Variants in ST6GALNAC1 observed in about 807,000 individuals in gnomAD.
ST6GALNAC1 encodes the protein ST6 N-acetylgalactosaminide alpha-2,6-sialyltransferase 1.
Under a neutral mutation model 56.8 loss-of-function variants are expected in ST6GALNAC1, and 45 were observed. The observed-to-expected ratio is 0.79, with a 90% CI of 0.62 to 1.02. ST6GALNAC1 has a LOEUF of 1.02. ST6GALNAC1 is among the 50% of genes least tolerant of loss of function. The pLI is 0.00. For synonymous variants in ST6GALNAC1, 295 were observed against 297.8 expected, an observed-to-expected ratio of 0.99 and a Z score of 0.10; for missense variants, 743 against 754.8, an observed-to-expected ratio of 0.98 and a Z score of 0.18.
chr17:76,627,286 G>A lies in ST6GALNAC1; in HGVS notation c.1001-48C>T, dbSNP rs1386589395. On this transcript the variant is annotated intron_variant, in intron 3 of 8. Transcript: ENST00000156626. This position sits in a 1 kb window ranked among gnomAD's most constrained non-coding sequence, Gnocchi z 4.4. ...CCATTCAGAGCCCTGGGAGGGACAG[G>A]AGTCCGACCCATCATTCCTCCCAGG... 6.4e-7 allele frequency: 1 copy of A among 1,553,350 alleles called. No individual in the cohort carries two copies. Among genetic ancestry groups the A allele is most frequent in the Non-Finnish European group, 8.7e-7 (1 of 1,148,954 alleles).
At chr17:76,621,245 C>G (rs551553561), downstream of ST6GALNAC1, among the ~76,000 whole-genome samples, 2 of 132,640 alleles carry the variant, frequency 1.5e-5, no homozygotes, top group Non-Finnish European at 3.1e-5. Flanking sequence ...TGCAGTGGCA[C>G]GATCTGGGCT....
At chr17:76,637,403 G>T in intron 1 of ST6GALNAC1, 1 of 243,548 alleles carries the variant, frequency 4.1e-6, no homozygotes, top group Non-Finnish European at 7.5e-6. Flanking sequence ...CCCTCATGTT[G>T]TCCTTTTATA....
In ST6GALNAC1 at chr17:76,627,691, C is replaced by T; in HGVS notation, c.832-108G>A. ...GGGCTCGCAGTTTGGAAGGCGCGGCCTCTGCTACCTCTTCCATTCTGTTCT... is the reference window on the plus strand; with the variant it reads ...GGGCTCGCAGTTTGGAAGGCGCGGCTTCTGCTACCTCTTCCATTCTGTTCT... On this transcript the variant is annotated intron_variant, in intron 2 of 8. Transcript: ENST00000156626. The surrounding 1 kb of genome is among the most constrained non-coding windows in gnomAD (Gnocchi z 4.4). 2.1e-6 allele frequency: 2 copies of T among 938,872 alleles called. No homozygotes were observed. The highest frequency in any genetic ancestry group is 3.2e-6 in the Non-Finnish European group (2 of 617,646). 58.2% of individuals were successfully genotyped at this position (938,872 alleles called of 1,614,324 possible). A position where few individuals can be genotyped will look rare whatever the true frequency, so the allele number is the denominator to read the frequency against.
At position 76,625,234 on chromosome 17, in the gene ST6GALNAC1, A is replaced by T; in HGVS notation, c.*96T>A. 2 of 1,320,192 alleles carry T rather than the reference A, an allele frequency of 1.5e-6. No homozygotes were observed. Among genetic ancestry groups the T allele is most frequent in the Non-Finnish European group, 2.1e-6 (2 of 951,268 alleles). The allele number at this position is 1,320,192 out of a possible 1,614,324, so 81.8% of individuals were successfully genotyped here. On this transcript the variant is annotated 3_prime_UTR_variant, in exon 9 of 9. Coordinates refer to ENST00000156626, the MANE Select transcript of ST6GALNAC1 (RefSeq NM_018414.5). Reference sequence around the variant, plus strand: ...GGAACTCCTGAAGGGCTTGGAGCTTAGTCTGAGCCATGGGAAATGGCCAAA... The same window carrying T: ...GGAACTCCTGAAGGGCTTGGAGCTTTGTCTGAGCCATGGGAAATGGCCAAA...
At chr17:76,634,233 C>T (rs1216635247) in intron 1 of ST6GALNAC1, among the ~76,000 whole-genome samples, 1 of 152,188 alleles carries the variant, frequency 6.6e-6, no homozygotes, top group Non-Finnish European at 1.5e-5. Flanking sequence ...TTCTCAGTCC[C>T]CACCATCAAC....
intron 1 of ST6GALNAC1, among the ~76,000 whole-genome samples, chr17:76,630,821 T>C (rs1180929901): frequency 4.0e-5 from 6 of 151,180 alleles, no homozygotes; most frequent in Non-Finnish European, 7.4e-5. Flanking sequence ...GATCTCTTGA[T>C]CTCGTGATCT....
At chr17:76,630,728 GCGCATGCCACCA>G (rs2143445367) in intron 1 of ST6GALNAC1, among the ~76,000 whole-genome samples, 1 of 151,020 alleles carries the variant, frequency 6.6e-6, no homozygotes, top group African/African-American at 2.4e-5. Context: ...TGGGATTACA[GCGCATGCCACCA>G]CGCCTGGCTC....
chr17:76,621,753 G>C (rs1348494057), downstream of ST6GALNAC1, among the ~76,000 whole-genome samples: 1 of 152,052 alleles, frequency 6.6e-6, no homozygotes, highest in African/African-American at 2.4e-5. Flanking sequence ...GGCATTACAG[G>C]CGTGAGCCAT....
At chr17:76,621,822 C>G (rs539000043), downstream of ST6GALNAC1, among the ~76,000 whole-genome samples, 3 of 152,262 alleles carry the variant, frequency 2.0e-5, no homozygotes, top group Non-Finnish European at 4.4e-5. Context: ...TCTATAAGTA[C>G]TGCCTACCCA....
At position 76,627,818 on chromosome 17, in the gene ST6GALNAC1, C is replaced by T. The variant is rs2075826965; in HGVS notation, c.832-235G>A. On this transcript the variant is annotated intron_variant, in intron 2 of 8. Transcript: ENST00000156626. The surrounding 1 kb of genome is among the most constrained non-coding windows in gnomAD (Gnocchi z 4.4). ...GGCCATCGAGGCAAATGCACCTAGG[C>T]CGGGTGTGGTGGCTCACGCCTGTAA... 1.3e-5 allele frequency among the ~76,000 whole-genome samples: 2 copies of T among 152,152 alleles called. No individual in the cohort carries two copies. Among genetic ancestry groups the T allele is most frequent in the Non-Finnish European group, 2.9e-5 (2 of 68,016 alleles).
intron 1 of ST6GALNAC1, 64 bp from the exon 2 acceptor site, chr17:76,629,775 A>ATT: frequency 5.2e-6 from 5 of 963,250 alleles, no homozygotes; most frequent in East Asian, 2.6e-5. Flanking sequence ...AAGCATAAGT[A>ATT]GTTTTTTGTT....
In ST6GALNAC1 at chr17:76,628,117, A is replaced by T. The variant is rs991764604; in HGVS notation, c.832-534T>A. Among the ~76,000 whole-genome samples the T allele has an allele frequency of 2.3e-5, 3 of 131,464 alleles. No homozygotes were observed. The East Asian group carries it at 6.8e-4, about 30-fold the overall frequency. 86.2% of individuals were successfully genotyped at this position (131,464 alleles called of 152,430 possible). A position where few individuals can be genotyped will look rare whatever the true frequency, so the allele number is the denominator to read the frequency against. On this transcript the variant is annotated intron_variant, in intron 2 of 8. Coordinates refer to ENST00000156626, the MANE Select transcript of ST6GALNAC1 (RefSeq NM_018414.5). ...ATCTCAAAAAAAAAAAAAAAAAAAA[A>T]TGCAAATGCACCTTTGTAAGTGTGA...
chr17:76,627,385 C>G lies in ST6GALNAC1; in HGVS notation c.1000+30G>C, dbSNP rs762082510. Reference sequence around the variant, plus strand: ...GCCCTCTGCCCCGGCCTACTGCGCACCCACACCTTCCCCTGGGTTAAGGAC... The same window carrying G: ...GCCCTCTGCCCCGGCCTACTGCGCAGCCACACCTTCCCCTGGGTTAAGGAC... On this transcript the variant is annotated intron_variant, in intron 3 of 8. Transcript: ENST00000156626. This position sits in a 1 kb window ranked among gnomAD's most constrained non-coding sequence, Gnocchi z 4.4. 16 of 1,612,816 alleles carry G rather than the reference C, an allele frequency of 9.9e-6. No homozygotes were observed. Among genetic ancestry groups the G allele is most frequent in the Middle Eastern group, 1.7e-4 (1 of 5,896 alleles).
intron 1 of ST6GALNAC1, among the ~76,000 whole-genome samples, chr17:76,642,685 C>T (rs1382727674): frequency 3.3e-5 from 5 of 152,236 alleles, no homozygotes; most frequent in Non-Finnish European, 5.9e-5. Context: ...CATCCCAGCG[C>T]TTTGGGAGGC....
chr17:76,628,914 G>T, intron 2 of ST6GALNAC1, 98 bp downstream of exon 2: 1 of 1,124,538 alleles, frequency 8.9e-7, no homozygotes, highest in Non-Finnish European at 1.3e-6. Flanking sequence ...AAGTCTAGAA[G>T]CAGAGCCCAG....
chr17:76,625,108 C>G lies in ST6GALNAC1; in HGVS notation c.*222G>C, dbSNP rs1330172207. ...CCATCACCCCATTTAATTAAAAATCCCTGGCCTCAGGACCTACAGCAATGT... is the reference window on the plus strand; with the variant it reads ...CCATCACCCCATTTAATTAAAAATCGCTGGCCTCAGGACCTACAGCAATGT... On this transcript the variant is annotated 3_prime_UTR_variant, in exon 9 of 9. Transcript: ENST00000156626. 1.8e-6 allele frequency: 1 copy of G among 559,084 alleles called. No homozygotes were observed. The highest frequency in any genetic ancestry group is 3.2e-6 in the Non-Finnish European group (1 of 316,466). The allele number at this position is 559,084 out of a possible 1,614,324, so 34.6% of individuals were successfully genotyped here. A position where few individuals can be genotyped will look rare whatever the true frequency, so the allele number is the denominator to read the frequency against.
chr17:76,628,372 ACCT>A (rs2075842859), intron 2 of ST6GALNAC1, among the ~76,000 whole-genome samples: 1 of 151,024 alleles, frequency 6.6e-6, no homozygotes, highest in Non-Finnish European at 1.5e-5. Flanking sequence ...GCTCACTTTA[ACCT>A]CAAGTGATCC....
In ST6GALNAC1 at chr17:76,624,897, C is replaced by T. The variant is rs1329995977; in HGVS notation, c.*433G>A. On this transcript the variant is annotated 3_prime_UTR_variant, in exon 9 of 9. Coordinates refer to ENST00000156626, the MANE Select transcript of ST6GALNAC1 (RefSeq NM_018414.5). The stretch of plus-strand genomic sequence containing the variant: ...TAGACCCTTCTAGAATCAGATAACT[C>T]CTAGAAAGGTCTTCTAGACAATCTG... The T allele has an allele frequency of 1.5e-5, 3 of 199,548 alleles. No homozygotes were observed. 12.4% of individuals were successfully genotyped at this position (199,548 alleles called of 1,614,324 possible).
rs1045409831 is a variant in ST6GALNAC1, at chr17:76,627,893, C to T, written c.832-310G>A. On this transcript the variant is annotated intron_variant, in intron 2 of 8. Coordinates refer to ENST00000156626, the MANE Select transcript of ST6GALNAC1 (RefSeq NM_018414.5). This position sits in a 1 kb window ranked among gnomAD's most constrained non-coding sequence, Gnocchi z 4.4. ...CGGGTGGATCACAAGGTCAGGAGAT[C>T]GAGACCATCCTGGCTAACACGGTGA... Among the ~76,000 whole-genome samples, 4 of 151,982 alleles carry T rather than the reference C, an allele frequency of 2.6e-5. No homozygotes were observed. Among genetic ancestry groups the T allele is most frequent in the Admixed American group, 1.3e-4 (2 of 15,276 alleles).
Sources: gnomAD v4.1 joint callset for allele counts (sites outside exome capture counted in the v4.1 genomes callset) on GRCh38, gnomAD v4.1.1 for gene constraint, Gnocchi (gnomAD v3.1) non-coding constraint, MANE v1.5 for transcripts, NCBI Gene and HGNC (gene_info 2026-07-23, HGNC 2026-07-21) for gene names.